The following SGK3 variants were observed in gnomAD, a reference collection of about 807,000 sequenced individuals.
SGK3 encodes the protein serine/threonine-protein kinase Sgk3.
In SGK3, 47 loss-of-function variants were observed where a neutral mutation model predicts 68.5. That is an observed-to-expected ratio of 0.69 (90% CI 0.54 to 0.87). The LOEUF (loss-of-function observed/expected upper bound fraction) is 0.87, where lower values mean the gene tolerates loss of function less well. SGK3 is among the 40% of genes least tolerant of loss of function. SGK3 has a pLI of 0.00. For missense variants in SGK3, 479 were observed against 575.5 expected (o/e 0.83, Z 1.72); for synonymous variants, 181 against 189.1 (o/e 0.96, Z 0.35).
intron 1 of SGK3, among the ~76,000 whole-genome samples, chr8:66,728,064 A>C (rs1805032219): frequency 1.3e-5 from 2 of 152,196 alleles, no homozygotes; most frequent in African/African-American, 4.8e-5. Context: ...TCACAGAGCT[A>C]TGCAGCCATC....
At chr8:66,786,176 T>C (rs775702379) in intron 1 of SGK3, among the ~76,000 whole-genome samples, 4 of 151,672 alleles carry the variant, frequency 2.6e-5, no homozygotes, top group Admixed American at 6.5e-5. Context: ...CAGGGTTGCT[T>C]TTTCATTTTA....
At chr8:66,721,977 G>GTATCAGTAGAGATA (rs1477690127) in intron 1 of SGK3, among the ~76,000 whole-genome samples, 1 of 152,134 alleles carries the variant, frequency 6.6e-6, no homozygotes, top group Non-Finnish European at 1.5e-5. Context: ...TTCCAGATTT[G>GTATCAGTAGAGATA]TATCAGTAGA....
chr8:66,742,402 C>G (rs1048274511), intron 1 of SGK3, among the ~76,000 whole-genome samples: 8 of 152,162 alleles, frequency 5.3e-5, no homozygotes, highest in East Asian at 1.9e-4. Context: ...GGGTCTCACT[C>G]TGTTGCACAG....
chr8:66,749,932 GGTGTGTGTGT>G (rs139702561), intron 1 of SGK3, among the ~76,000 whole-genome samples: 26 of 144,924 alleles, frequency 1.8e-4, no homozygotes, highest in Admixed American at 7.0e-4. Flanking sequence ...TAGTTTCTAG[GGTGTGTGTGT>G]GTGTGTGTGT....
chr8:66,767,676 G>A, intron 1 of SGK3: 1 of 1,403,088 alleles, frequency 7.1e-7, no homozygotes, highest in East Asian at 2.3e-5. Flanking sequence ...TTTCTGGATA[G>A]CCATCATCTG....
intron 1 of SGK3, among the ~76,000 whole-genome samples, chr8:66,719,798 T>C (rs1186962854): frequency 9.2e-5 from 14 of 152,240 alleles, no homozygotes; most frequent in Non-Finnish European, 1.9e-4. Flanking sequence ...AATACTTTTT[T>C]GGACAAATAA....
At chr8:66,768,739 A>C (rs748606799) in intron 1 of SGK3, among the ~76,000 whole-genome samples, 1 of 151,848 alleles carries the variant, frequency 6.6e-6, no homozygotes, top group Non-Finnish European at 1.5e-5. Flanking sequence ...TAATTTTTGT[A>C]TTTTTAGTAG....
intron 1 of SGK3, among the ~76,000 whole-genome samples, chr8:66,784,476 T>C (rs117942371): frequency 0.025 from 3,736 of 152,148 alleles, 69 homozygotes; most frequent in Admixed American, 0.044. Context: ...CTAATCTGAG[T>C]AGGGTCCTCT....
chr8:66,756,628 G>T (rs1805987037), intron 1 of SGK3, among the ~76,000 whole-genome samples: 1 of 126,728 alleles, frequency 7.9e-6, no homozygotes, highest in African/African-American at 3.0e-5. Context: ...CACTCATGCT[G>T]GAGTGCAGTG....
At chr8:66,848,058 C>A (rs181958060) in intron 15 of SGK3, among the ~76,000 whole-genome samples, 151 of 152,178 alleles carry the variant, frequency 9.9e-4, no homozygotes, top group African/African-American at 3.5e-3. Context: ...TTCTTGGAGG[C>A]TGCTTATCAA....
chr8:66,816,492 C>T (rs551419312), intron 5 of SGK3, among the ~76,000 whole-genome samples: 51 of 151,638 alleles, frequency 3.4e-4, no homozygotes, highest in African/African-American at 9.0e-4. Context: ...ATTACAGGTG[C>T]GCGCCACCAC....
chr8:66,754,209 T>C (rs1305668181), intron 1 of SGK3, among the ~76,000 whole-genome samples: 1 of 151,996 alleles, frequency 6.6e-6, no homozygotes, highest in Non-Finnish European at 1.5e-5. Flanking sequence ...CAGCATGGGG[T>C]AGAGTTTGGG....
At chr8:66,746,290 C>T (rs1423562118) in intron 1 of SGK3, among the ~76,000 whole-genome samples, 1 of 152,160 alleles carries the variant, frequency 6.6e-6, no homozygotes, top group Non-Finnish European at 1.5e-5. Flanking sequence ...TTTCTCTTTT[C>T]TTTTGCATTT....
Position 66,786,647 on chromosome 8 carries a change from TATG to T in SGK3, c.-121-6968_-121-6966del, listed in dbSNP as rs1458714404. ...ACTTGGGCAAGTGATTTAACCGCTT[TATG>T]TTTTTCTTCAGAGCAACATCTTTAT... On this transcript the variant is annotated intron_variant, in intron 1 of 16. Transcript: ENST00000521198. 2.6e-5 allele frequency among the ~76,000 whole-genome samples: 4 copies of T among 152,360 alleles called. No homozygotes were observed. The East Asian group carries it at 7.7e-4, about 29-fold the overall frequency.
chr8:66,752,313 G>A (rs1381609797), intron 1 of SGK3, among the ~76,000 whole-genome samples: 1 of 152,102 alleles, frequency 6.6e-6, no homozygotes, highest in African/African-American at 2.4e-5. Flanking sequence ...TAGTTTCCTG[G>A]AATGCATGAC....
chr8:66,719,582 G>T (rs1295156631), intron 1 of SGK3, among the ~76,000 whole-genome samples: 3 of 152,124 alleles, frequency 2.0e-5, no homozygotes, highest in African/African-American at 7.2e-5. Context: ...GCCTCCCAAA[G>T]TGCTGGAATT....
At chr8:66,738,375 A>G (rs1289067373) in intron 1 of SGK3, among the ~76,000 whole-genome samples, 2 of 152,186 alleles carry the variant, frequency 1.3e-5, no homozygotes, top group African/African-American at 4.8e-5. Flanking sequence ...AAAGTGCTCT[A>G]AAGTGCAGAT....
chr8:66,770,015 G>A (rs796675186), intron 1 of SGK3, among the ~76,000 whole-genome samples: 11 of 152,094 alleles, frequency 7.2e-5, no homozygotes, highest in South Asian at 4.1e-4. Flanking sequence ...GTGCAGTGGC[G>A]CAATCTCCGC....
chr8:66,753,721 G>C (rs1253280353), intron 1 of SGK3, among the ~76,000 whole-genome samples: 1 of 152,144 alleles, frequency 6.6e-6, no homozygotes, highest in Non-Finnish European at 1.5e-5. Context: ...TCAGGAGGCT[G>C]AGGCAGGAGA....
Sources: gnomAD v4.1 joint callset for allele counts (sites outside exome capture counted in the v4.1 genomes callset) on GRCh38, gnomAD v4.1.1 for gene constraint, MANE v1.5 for transcripts, NCBI Gene and HGNC (gene_info 2026-07-23, HGNC 2026-07-21) for gene names.